Variants in SHB observed in about 807,000 individuals in gnomAD.
The protein encoded by SHB is SH2 domain containing adaptor protein B.
SHB carries 20 observed loss-of-function variants against 52.3 expected under a neutral mutation model. The ratio of observed to expected loss-of-function variants is 0.38; its 90% CI spans 0.27 to 0.56. The LOEUF (loss-of-function observed/expected upper bound fraction) is 0.56. SHB is among the 20% of genes least tolerant of loss of function. SHB has a pLI of 0.71. For missense variants in SHB, 825 were observed against 723.3 expected, an observed-to-expected ratio of 1.14 and a Z score of -1.61; for synonymous variants, 397 against 316.5, an observed-to-expected ratio of 1.25 and a Z score of -2.70.
intron 1 of SHB, among the ~76,000 whole-genome samples, chr9:38,050,798 T>C (rs546504661): frequency 6.6e-6 from 1 of 151,536 alleles, no homozygotes; most frequent in South Asian, 2.1e-4. Flanking sequence ...GAAGAAACCA[T>C]CAAAAGCAAA....
At chr9:37,975,394 AT>A (rs1310393772) in intron 2 of SHB, among the ~76,000 whole-genome samples, 18 of 152,116 alleles carry the variant, frequency 1.2e-4, no homozygotes, top group Non-Finnish European at 2.1e-4. Flanking sequence ...CCTTCCCTTT[AT>A]TTCTACCTCC....
At chr9:37,934,094 T>G (rs1832342342) in intron 5 of SHB, among the ~76,000 whole-genome samples, 1 of 152,186 alleles carries the variant, frequency 6.6e-6, no homozygotes, top group South Asian at 2.1e-4. Context: ...CATCAGTCCT[T>G]CTGGCTGGAC....
intron 2 of SHB, among the ~76,000 whole-genome samples, chr9:37,980,395 CTT>C (rs1204258856): frequency 6.6e-6 from 1 of 152,210 alleles, no homozygotes; most frequent in African/African-American, 2.4e-5. Flanking sequence ...AGAAGCAACT[CTT>C]TATTTGTTCA....
At chr9:37,944,627 G>A (rs1185613351) in intron 5 of SHB, among the ~76,000 whole-genome samples, 1 of 152,154 alleles carries the variant, frequency 6.6e-6, no homozygotes, top group African/African-American at 2.4e-5. Flanking sequence ...GGAAGAAAAT[G>A]CCTCGCAGGA....
intron 5 of SHB, among the ~76,000 whole-genome samples, chr9:37,937,678 G>C (rs1832389516): frequency 6.6e-6 from 1 of 152,246 alleles, no homozygotes; most frequent in Non-Finnish European, 1.5e-5. Flanking sequence ...CCTAGCATTT[G>C]AACTGCGGGA....
intron 1 of SHB, among the ~76,000 whole-genome samples, chr9:38,016,403 G>A (rs537515229): frequency 7.7e-4 from 117 of 152,346 alleles, no homozygotes; most frequent in African/African-American, 2.7e-3. Context: ...AAGGGCATCT[G>A]GTGAAGGTAA....
At chr9:37,954,603 CA>C (rs943690079) in intron 4 of SHB, among the ~76,000 whole-genome samples, 2 of 152,208 alleles carry the variant, frequency 1.3e-5, no homozygotes, top group Non-Finnish European at 2.9e-5. Flanking sequence ...AATGGGCTGA[CA>C]ACCCTTTATT....
chr9:38,067,156 C>T (rs1471197343), intron 1 of SHB, among the ~76,000 whole-genome samples: 1 of 151,940 alleles, frequency 6.6e-6, no homozygotes, highest in Non-Finnish European at 1.5e-5. Flanking sequence ...AAAGTCCCCC[C>T]GTGTTCCTGG....
chr9:38,064,022 T>C (rs1270783629), intron 1 of SHB, among the ~76,000 whole-genome samples: 2 of 151,886 alleles, frequency 1.3e-5, no homozygotes, highest in African/African-American at 4.8e-5. Context: ...CAGCAGAAAA[T>C]ATAACTGGAT....
intron 4 of SHB, 21 bp downstream of exon 4, chr9:37,955,862 G>C: frequency 6.2e-7 from 1 of 1,607,482 alleles, no homozygotes; most frequent in Non-Finnish European, 8.5e-7. Context: ...GTGAGGTTGG[G>C]CTTTGCTCCC....
intron 1 of SHB, among the ~76,000 whole-genome samples, chr9:38,056,883 T>C (rs1821828482): frequency 6.6e-6 from 1 of 152,194 alleles, no homozygotes; most frequent in Admixed American, 6.5e-5. Flanking sequence ...GTAAACAGTT[T>C]TGGAAAAGCA....
At chr9:37,941,498 G>A (rs1265635033) in intron 5 of SHB, among the ~76,000 whole-genome samples, 1 of 152,200 alleles carries the variant, frequency 6.6e-6, no homozygotes, top group East Asian at 1.9e-4. Flanking sequence ...GCTGTGCAGA[G>A]CTCCCTCTGT....
chr9:38,033,328 C>T (rs1035461668), intron 1 of SHB, among the ~76,000 whole-genome samples: 13 of 152,202 alleles, frequency 8.5e-5, no homozygotes, highest in African/African-American at 3.1e-4. Flanking sequence ...AGGGATAACA[C>T]CAGTGACTGG....
At chr9:38,065,158 T>G (rs890096048) in intron 1 of SHB, among the ~76,000 whole-genome samples, 5 of 151,692 alleles carry the variant, frequency 3.3e-5, no homozygotes, top group Non-Finnish European at 7.4e-5. Context: ...GATCCATGAG[T>G]GAGGGGCAGA....
At chr9:38,032,817 T>C (rs1821431775) in intron 1 of SHB, among the ~76,000 whole-genome samples, 1 of 152,158 alleles carries the variant, frequency 6.6e-6, no homozygotes, top group Non-Finnish European at 1.5e-5. Flanking sequence ...GTTGTCCCCA[T>C]GGAGAGGCCC....
At chr9:38,030,465 T>C (rs191522146) in intron 1 of SHB, among the ~76,000 whole-genome samples, 1 of 152,340 alleles carries the variant, frequency 6.6e-6, no homozygotes, top group East Asian at 1.9e-4. Flanking sequence ...GGAAATGCTC[T>C]AAGTCAGGCA....
intron 2 of SHB, among the ~76,000 whole-genome samples, chr9:37,986,431 A>G (rs1309906940): frequency 6.6e-6 from 1 of 152,106 alleles, no homozygotes; most frequent in East Asian, 1.9e-4. Flanking sequence ...AGGATCTGGG[A>G]TGCCAGGACT....
chr9:38,039,095 G>A (rs565512065), intron 1 of SHB, among the ~76,000 whole-genome samples: 2 of 152,174 alleles, frequency 1.3e-5, no homozygotes, highest in East Asian at 1.9e-4. Context: ...AAAAGGGGTC[G>A]CCAGAGAACA....
intron 2 of SHB, among the ~76,000 whole-genome samples, chr9:38,000,854 G>C (rs764535923): frequency 6.6e-6 from 1 of 152,306 alleles, no homozygotes; most frequent in Non-Finnish European, 1.5e-5. Context: ...TTTTAGTCAG[G>C]GTGCTGGCAG....
Sources: gnomAD v4.1 joint callset for allele counts (sites outside exome capture counted in the v4.1 genomes callset) on GRCh38, gnomAD v4.1.1 for gene constraint, MANE v1.5 for transcripts, NCBI Gene and HGNC (gene_info 2026-07-23, HGNC 2026-07-21) for gene names.